ZDHHC15: variants seen among roughly 807,000 people sequenced by gnomAD.
ZDHHC15 encodes the protein palmitoyltransferase ZDHHC15.
Under a neutral mutation model 31.7 loss-of-function variants are expected in ZDHHC15, and 19 were observed. The ratio of observed to expected loss-of-function variants is 0.60; its 90% CI spans 0.42 to 0.88. ZDHHC15 has a LOEUF of 0.88. Among genes scored for constraint, ZDHHC15 ranks in the 40% least tolerant of loss-of-function variants. The pLI is 0.00. For synonymous variants in ZDHHC15, 103 were observed against 90.0 expected (o/e 1.14, Z -0.82); for missense variants, 209 against 251.2 (o/e 0.83, Z 1.14).
intron 3 of ZDHHC15, among the ~76,000 whole-genome samples, chrX:75,454,534 G>C (rs2084182532): frequency 9.0e-6 from 1 of 111,561 alleles, no homozygotes; most frequent in African/African-American, 3.3e-5. Context: ...GGTTGAACTA[G>C]TTTACAGTCC....
intron 9 of ZDHHC15, among the ~76,000 whole-genome samples, 187 bp from the exon 10 acceptor site, chrX:75,417,377 T>C (rs764290713): frequency 1.8e-5 from 2 of 112,174 alleles, no homozygotes; most frequent in South Asian, 3.7e-4. Flanking sequence ...CATATCTTAT[T>C]TGTGTGTCTG....
rs2082982122 is a variant in ZDHHC15, at chrX:75,368,955, C to G, written c.*4023G>C. ...CCCATTCATTATTATATAATACCCG[C>G]ATGCAAAAGGCTACAATTTAATATG... is the stretch of plus-strand genomic sequence containing the variant. On this transcript the variant is annotated 3_prime_UTR_variant, in exon 12 of 12. Transcript: ENST00000373367. The G allele has an allele frequency of 9.0e-6, 1 of 111,565 alleles. No individual in the cohort carries two copies. The highest frequency in any genetic ancestry group is 1.9e-5 in the Non-Finnish European group (1 of 53,139). 9.2% of individuals were successfully genotyped at this position (111,565 alleles called of 1,213,427 possible).
At chrX:75,491,921 G>T (rs1360982468) in intron 2 of ZDHHC15, among the ~76,000 whole-genome samples, 1 of 111,476 alleles carries the variant, frequency 9.0e-6, no homozygotes, top group Non-Finnish European at 1.9e-5. Flanking sequence ...ATAATGACAG[G>T]ATAAAATTCA....
At chrX:75,504,370 T>C (rs2085128542) in intron 2 of ZDHHC15, among the ~76,000 whole-genome samples, 2 of 111,929 alleles carry the variant, frequency 1.8e-5, no homozygotes, top group Admixed American at 1.9e-4. Flanking sequence ...ACTTTGATAG[T>C]GCAGTATAAT....
chrX:75,477,503 T>G lies in ZDHHC15; in HGVS notation c.258+1388A>C, dbSNP rs146221701. On this transcript the variant is annotated intron_variant, in intron 3 of 11. Coordinates refer to ENST00000373367, the MANE Select transcript of ZDHHC15 (RefSeq NM_144969.3). The stretch of plus-strand genomic sequence containing the variant: ...TGTTATTGTGTATTTTTTTCTTTAC[T>G]TCTCTCAGTTTTTGCTTCTTATAAT... 7.8e-3 allele frequency among the ~76,000 whole-genome samples: 874 copies of G among 111,762 alleles called. 11 individuals are homozygous for G. Among genetic ancestry groups the G allele is most frequent in the African/African-American group, 0.026 (803 of 30,810 alleles).
intron 10 of ZDHHC15, among the ~76,000 whole-genome samples, chrX:75,390,158 A>G (rs2083225822): frequency 9.0e-6 from 1 of 111,674 alleles, no homozygotes; most frequent in South Asian, 3.8e-4. Flanking sequence ...AGTGAAAAGG[A>G]CTTTGTCTTC....
chrX:75,496,440 T>G (rs963427171), intron 2 of ZDHHC15, among the ~76,000 whole-genome samples: 1 of 111,242 alleles, frequency 9.0e-6, no homozygotes, highest in African/African-American at 3.3e-5. Context: ...AGCACTAGAC[T>G]GGTCATCAAG....
At chrX:75,454,883 G>A (rs2084189522) in intron 3 of ZDHHC15, among the ~76,000 whole-genome samples, 1 of 111,647 alleles carries the variant, frequency 9.0e-6, no homozygotes, top group Non-Finnish European at 1.9e-5. Context: ...CAAACAAATG[G>A]AAGAACATTC....
At chrX:75,428,930 G>A in intron 7 of ZDHHC15, 148 bp downstream of exon 7, 2 of 795,658 alleles carry the variant, frequency 2.5e-6, no homozygotes, top group Non-Finnish European at 3.5e-6. Context: ...TATTCAATAT[G>A]GAAAACCTGT....
chrX:75,492,773 T>C (rs1234310059), intron 2 of ZDHHC15, among the ~76,000 whole-genome samples: 5 of 111,505 alleles, frequency 4.5e-5, no homozygotes, highest in African/African-American at 1.6e-4. Context: ...CTGGGACACA[T>C]TCAAAGCAGT....
intron 2 of ZDHHC15, among the ~76,000 whole-genome samples, chrX:75,485,576 T>C (rs1354425455): frequency 9.0e-6 from 1 of 111,084 alleles, no homozygotes; most frequent in Non-Finnish European, 1.9e-5. Context: ...GCAAGGCATG[T>C]TGGGAAAGGC....
intron 10 of ZDHHC15, among the ~76,000 whole-genome samples, chrX:75,388,911 C>A (rs1354139087): frequency 8.9e-6 from 1 of 111,993 alleles, no homozygotes; most frequent in Non-Finnish European, 1.9e-5. Context: ...TGAGAGATCA[C>A]AGTACCTGGT....
At chrX:75,450,568 C>A (rs986380760) in intron 4 of ZDHHC15, 3 of 271,384 alleles carry the variant, frequency 1.1e-5, no homozygotes, top group Non-Finnish European at 1.0e-5. Context: ...TATAGCAACA[C>A]AGAAAAATGT....
At chrX:75,443,524 A>C (rs1330809153) in intron 4 of ZDHHC15, among the ~76,000 whole-genome samples, 1 of 112,014 alleles carries the variant, frequency 8.9e-6, no homozygotes, top group Non-Finnish European at 1.9e-5. Flanking sequence ...CCTACAAGAA[A>C]ACCTAGGCAA....
intron 7 of ZDHHC15, 130 bp downstream of exon 7, chrX:75,428,948 G>T: frequency 1.1e-6 from 1 of 916,948 alleles, no homozygotes; most frequent in Non-Finnish European, 1.5e-6. Context: ...TGTTTTTAGT[G>T]CCTTCTCTTC....
At chrX:75,451,024 C>A in intron 3 of ZDHHC15, 102 bp from the exon 4 acceptor site, 7 of 975,116 alleles carry the variant, frequency 7.2e-6, no homozygotes, top group Non-Finnish European at 9.5e-6. Flanking sequence ...TGTTACCTAC[C>A]CTTGAAGCTC....
chrX:75,408,604 A>G lies in ZDHHC15; in HGVS notation c.967+8483T>C, dbSNP rs187243639. 5.6e-4 allele frequency among the ~76,000 whole-genome samples: 63 copies of G among 112,111 alleles called. 1 individual carries two copies. The highest frequency in any genetic ancestry group is 1.9e-3 in the African/African-American group (59 of 30,886). ...TAATACTAGAAATCCTGGCCAAAGCAATCAGATAAGAGAAATAAATAAAGG... is the reference window on the plus strand; with the variant it reads ...TAATACTAGAAATCCTGGCCAAAGCGATCAGATAAGAGAAATAAATAAAGG... On this transcript the variant is annotated intron_variant, in intron 10 of 11. Coordinates refer to ENST00000373367, the MANE Select transcript of ZDHHC15 (RefSeq NM_144969.3).
At chrX:75,427,526 T>C (rs2083728779) in intron 7 of ZDHHC15, among the ~76,000 whole-genome samples, 1 of 111,119 alleles carries the variant, frequency 9.0e-6, no homozygotes, top group Admixed American at 9.6e-5. Context: ...TAAAAAGTGG[T>C]TCCTAAACAG....
chrX:75,469,219 T>G (rs2084464274), intron 3 of ZDHHC15, among the ~76,000 whole-genome samples: 2 of 111,893 alleles, frequency 1.8e-5, no homozygotes, highest in Admixed American at 1.9e-4. Flanking sequence ...TTTAAGCATT[T>G]GGTCCTTTTT....
Sources: allele counts gnomAD v4.1 joint callset (sites outside exome capture counted in the v4.1 genomes callset), GRCh38; gene constraint gnomAD v4.1.1; transcripts MANE v1.5; gene names NCBI Gene and HGNC (gene_info 2026-07-23, HGNC 2026-07-21).